The following ZC3H15 variants were observed in gnomAD, a reference collection of about 807,000 sequenced individuals.
ZC3H15 encodes the protein zinc finger CCCH domain-containing protein 15.
A neutral mutation model predicts 51.2 loss-of-function variants in ZC3H15; 15 were observed. The observed-to-expected ratio is 0.29, with a 90% CI of 0.20 to 0.45. The LOEUF (loss-of-function observed/expected upper bound fraction) is 0.45. Ranked by LOEUF, ZC3H15 falls within the 20% of genes least tolerant of loss-of-function variation. The pLI is 1.00. For synonymous variants in ZC3H15, 144 were observed against 162.8 expected (o/e 0.88, Z 0.88); for missense variants, 381 against 494.7 (o/e 0.77, Z 2.18).
rs776056097 is a variant in ZC3H15, at chr2:186,508,570, G to A, written c.1118G>A (p.Gly373Asp). The A allele has an allele frequency of 3.7e-6, 6 of 1,613,978 alleles. No individual in the cohort carries two copies. The South Asian group carries it at 4.4e-5, about 12-fold the overall frequency. Residue 373 changes from glycine to aspartate, a missense_variant, in exon 10 of 10, where the codon GGT becomes GAT. This residue lies in a region of ZC3H15 where 215 missense variants were observed against 241.8 expected (regional missense o/e 0.89). Transcript: ENST00000337859. ...AACAAATTAAGTGAAGCTTCTGGAG[G>A]TAGGGCTGAAAATGGTGAAAGAAGT... ...DENKLSEASG[G>D]RAENGERSDL...
At chr2:186,500,594 G>C in intron 3 of ZC3H15, 1 of 530,476 alleles carries the variant, frequency 1.9e-6, no homozygotes, top group Non-Finnish European at 3.6e-6. Context: ...CAAAGCCATA[G>C]TTGAATAAAC....
At chr2:186,490,100 G>T (rs1685169915) in intron 1 of ZC3H15, among the ~76,000 whole-genome samples, 1 of 151,706 alleles carries the variant, frequency 6.6e-6, no homozygotes, top group Non-Finnish European at 1.5e-5. Flanking sequence ...TTTTAATATT[G>T]CCTCCATTTT....
chr2:186,502,484 T>G lies in ZC3H15; in HGVS notation c.443-12T>G, dbSNP rs772701254. ...TAAGATTACAGTATTTAATCTTCAT[T>G]TCTTTATTTAGATACTATGGATAAT... On this transcript the variant is annotated splice_polypyrimidine_tract_variant and intron_variant, in intron 4 of 9. Coordinates refer to ENST00000337859, the MANE Select transcript of ZC3H15 (RefSeq NM_018471.3). 4.4e-6 allele frequency: 7 copies of G among 1,599,256 alleles called. No individual in the cohort carries two copies. The highest frequency in any genetic ancestry group is 6.0e-6 in the Non-Finnish European group (7 of 1,169,950).
At chr2:186,491,809 G>A (rs1178594170) in intron 1 of ZC3H15, among the ~76,000 whole-genome samples, 2 of 151,998 alleles carry the variant, frequency 1.3e-5, no homozygotes, top group Non-Finnish European at 2.9e-5. Flanking sequence ...TTTATGTTTA[G>A]TGAATACTAG....
intron 9 of ZC3H15, 62 bp downstream of exon 9, chr2:186,506,898 C>T (rs1219842462): frequency 2.0e-6 from 3 of 1,538,212 alleles, no homozygotes; most frequent in Non-Finnish European, 2.6e-6. Flanking sequence ...GGGGTTATAC[C>T]AGGCTTGGCA....
chr2:186,497,209 A>C (rs1685296881), intron 2 of ZC3H15: 2 of 403,020 alleles, frequency 5.0e-6, no homozygotes, highest in Non-Finnish European at 9.5e-6. Context: ...AGAAGAAAGA[A>C]TTTCTCATGT....
intron 1 of ZC3H15, among the ~76,000 whole-genome samples, chr2:186,490,526 A>T (rs367675443): frequency 2.6e-5 from 4 of 152,326 alleles, no homozygotes; most frequent in South Asian, 4.1e-4. Flanking sequence ...GTTGCATAAT[A>T]TATATTGCAT....
chr2:186,501,085 C>T (rs1441447988), intron 3 of ZC3H15, among the ~76,000 whole-genome samples, 188 bp from the exon 4 acceptor site: 1 of 152,104 alleles, frequency 6.6e-6, no homozygotes, highest in Non-Finnish European at 1.5e-5. Context: ...ATAAAAGAAA[C>T]AAAAGTAGAC....
Position 186,502,603 on chromosome 2 carries a change from G to T in ZC3H15, c.534+16G>T. The T allele has an allele frequency of 2.5e-6, 4 of 1,586,476 alleles. No homozygotes were observed. Among genetic ancestry groups the T allele is most frequent in the Non-Finnish European group, 2.6e-6 (3 of 1,160,136 alleles). On this transcript the variant is annotated intron_variant, in intron 5 of 9. Coordinates refer to ENST00000337859, the MANE Select transcript of ZC3H15 (RefSeq NM_018471.3). The stretch of plus-strand genomic sequence containing the variant: ...AACTCAAATAGTATGTCCTTTTCTT[G>T]AATTGAGTTGCTGTGATATTTATCA...
chr2:186,502,601 T>G lies in ZC3H15; in HGVS notation c.534+14T>G. Reference sequence around the variant, plus strand: ...AAAACTCAAATAGTATGTCCTTTTCTTGAATTGAGTTGCTGTGATATTTAT... The same window carrying G: ...AAAACTCAAATAGTATGTCCTTTTCGTGAATTGAGTTGCTGTGATATTTAT... On this transcript the variant is annotated intron_variant, in intron 5 of 9. Transcript: ENST00000337859. 6.3e-7 allele frequency: 1 copy of G among 1,587,022 alleles called. No homozygotes were observed. The highest frequency in any genetic ancestry group is 8.6e-7 in the Non-Finnish European group (1 of 1,160,496).
At chr2:186,504,577 A>T (rs1685437944) in intron 6 of ZC3H15, among the ~76,000 whole-genome samples, 1 of 152,216 alleles carries the variant, frequency 6.6e-6, no homozygotes, top group South Asian at 2.1e-4. Context: ...ATTAGTTATT[A>T]GCATATGTAC....
intron 2 of ZC3H15, among the ~76,000 whole-genome samples, chr2:186,499,066 A>C (rs1361139221): frequency 6.6e-6 from 1 of 152,166 alleles, no homozygotes; most frequent in Non-Finnish European, 1.5e-5. Flanking sequence ...CTAACCATAT[A>C]CATGATAATC....
intron 2 of ZC3H15, among the ~76,000 whole-genome samples, chr2:186,499,343 A>C (rs114977481): frequency 0.011 from 1,692 of 152,254 alleles, 26 homozygotes; most frequent in African/African-American, 0.038. Flanking sequence ...GATGCAATCT[A>C]AGCATCTTAC....
chr2:186,497,116 A>G (rs1438814129), intron 2 of ZC3H15: 1 of 440,680 alleles, frequency 2.3e-6, no homozygotes, highest in Non-Finnish European at 4.5e-6. Flanking sequence ...ATAGACATGG[A>G]TCTTTATTTT....
At chr2:186,506,508 G>T (rs561198210) in intron 8 of ZC3H15, among the ~76,000 whole-genome samples, 1 of 152,110 alleles carries the variant, frequency 6.6e-6, no homozygotes, top group African/African-American at 2.4e-5. Context: ...GCTCAGGCTG[G>T]TCTCAAACTC....
chr2:186,502,807 T>C (rs3768776), intron 5 of ZC3H15, among the ~76,000 whole-genome samples: 100,760 of 151,986 alleles, frequency 0.66, 33,714 homozygotes, highest in Non-Finnish European at 0.71. Context: ...ACTATGTTAC[T>C]GAAGTCCTTT....
At chr2:186,507,179 A>C (rs1685483013) in intron 9 of ZC3H15, among the ~76,000 whole-genome samples, 2 of 152,194 alleles carry the variant, frequency 1.3e-5, no homozygotes, top group South Asian at 4.1e-4. Flanking sequence ...CATCAGTGTT[A>C]TGGGGTAAGT....
At chr2:186,505,338 A>G in intron 6 of ZC3H15, 113 bp from the exon 7 acceptor site, 1 of 1,249,778 alleles carries the variant, frequency 8.0e-7, no homozygotes, top group East Asian at 2.6e-5. Context: ...ATTCCAATGT[A>G]ATATCTTCAG....
intron 1 of ZC3H15, among the ~76,000 whole-genome samples, chr2:186,490,752 G>A (rs1006120525): frequency 6.6e-6 from 1 of 152,154 alleles, no homozygotes; most frequent in African/African-American, 2.4e-5. Context: ...ACGTACGGAT[G>A]GGAGGGAAGT....
Sources: allele counts gnomAD v4.1 joint callset (sites outside exome capture counted in the v4.1 genomes callset), GRCh38; gene constraint gnomAD v4.1.1; regional missense constraint gnomAD v4.1.1; transcripts MANE v1.5; gene names NCBI Gene and HGNC (gene_info 2026-07-23, HGNC 2026-07-21).